Variants in LINGO2 observed in about 807,000 individuals in gnomAD.
LINGO2 encodes leucine rich repeat and Ig domain containing 2.
A neutral mutation model predicts 30.6 loss-of-function variants in LINGO2; 14 were observed. That is an observed-to-expected ratio of 0.46 (90% CI 0.30 to 0.72). LINGO2 has a LOEUF of 0.72. Among genes scored for constraint, LINGO2 ranks in the 30% least tolerant of loss-of-function variants. LINGO2 has a pLI of 0.07. For missense variants in LINGO2, 729 were observed against 751.7 expected (o/e 0.97, Z 0.35); for synonymous variants, 317 against 288.5 (o/e 1.10, Z -1.00).
At chr9:28,853,278 C>A in the LINGO2 span, among the ~76,000 whole-genome samples, 1 of 152,018 alleles carries the variant, frequency 6.6e-6, no homozygotes, top group South Asian at 2.1e-4. Flanking sequence ...TAGTCATGCA[C>A]ATATGCATAA....
At chr9:28,604,679 G>A (rs1935824481) in intron 1 of LINGO2, among the ~76,000 whole-genome samples, 2 of 151,868 alleles carry the variant, frequency 1.3e-5, no homozygotes, top group Non-Finnish European at 2.9e-5. Flanking sequence ...TCTGAAGTAA[G>A]TATCCATAGA....
At chr9:28,485,392 A>G (rs1826131617) in intron 1 of LINGO2, among the ~76,000 whole-genome samples, 1 of 152,114 alleles carries the variant, frequency 6.6e-6, no homozygotes, top group African/African-American at 2.4e-5. Context: ...AGTTATGTAG[A>G]TATACCTACA....
chr9:29,140,548 C>T, the LINGO2 span, among the ~76,000 whole-genome samples: 1 of 151,544 alleles, frequency 6.6e-6, no homozygotes, highest in African/African-American at 2.4e-5. Context: ...AATCATCAAC[C>T]ATACAAATGT....
At chr9:28,927,992 T>TA in the LINGO2 span, among the ~76,000 whole-genome samples, 1 of 152,226 alleles carries the variant, frequency 6.6e-6, no homozygotes, top group African/African-American at 2.4e-5. Context: ...AACTGTTTGT[T>TA]AAACACTACA....
intron 2 of LINGO2, among the ~76,000 whole-genome samples, chr9:28,451,138 A>G (rs188805101): frequency 6.6e-6 from 1 of 152,062 alleles, no homozygotes; most frequent in Admixed American, 6.6e-5. Context: ...AATAGGATCA[A>G]TTATTAGTTC....
At chr9:28,018,900 C>T (rs1016781669) in intron 4 of LINGO2, among the ~76,000 whole-genome samples, 2 of 152,160 alleles carry the variant, frequency 1.3e-5, no homozygotes, top group Admixed American at 6.6e-5. Context: ...TTCATTGCAG[C>T]ACTATTCACA....
At chr9:28,034,063 C>CCT (rs1298532590) in intron 4 of LINGO2, among the ~76,000 whole-genome samples, 1 of 152,196 alleles carries the variant, frequency 6.6e-6, no homozygotes, top group Non-Finnish European at 1.5e-5. Flanking sequence ...CTCGGGCCCT[C>CCT]CTCCCTGTCT....
At chr9:28,138,396 A>G (rs1052745303) in intron 4 of LINGO2, among the ~76,000 whole-genome samples, 3 of 152,216 alleles carry the variant, frequency 2.0e-5, no homozygotes, top group African/African-American at 7.2e-5. Context: ...AAATGCCTTC[A>G]TAAGACAACA....
the LINGO2 span, among the ~76,000 whole-genome samples, chr9:28,820,994 C>A: frequency 6.6e-6 from 1 of 152,220 alleles, no homozygotes; most frequent in Non-Finnish European, 1.5e-5. Context: ...GAAGGATTAA[C>A]AATGCACAGC....
chr9:27,945,517 A>G (rs1028570185), downstream of LINGO2, among the ~76,000 whole-genome samples: 1 of 152,158 alleles, frequency 6.6e-6, no homozygotes, highest in Non-Finnish European at 1.5e-5. Flanking sequence ...CCAGAGTGGA[A>G]TGAAAACCAA....
At chr9:28,519,444 C>T (rs1002413318) in intron 1 of LINGO2, among the ~76,000 whole-genome samples, 1 of 152,080 alleles carries the variant, frequency 6.6e-6, no homozygotes, top group Non-Finnish European at 1.5e-5. Context: ...GTTAAGACTT[C>T]CCTTTTTGGA....
At chr9:28,851,189 TTTA>T in the LINGO2 span, among the ~76,000 whole-genome samples, 3 of 152,198 alleles carry the variant, frequency 2.0e-5, no homozygotes, top group East Asian at 5.8e-4. Context: ...GTAACACAGA[TTTA>T]TTATCATTGG....
chr9:29,210,392 T>C, the LINGO2 span, among the ~76,000 whole-genome samples: 1 of 152,194 alleles, frequency 6.6e-6, no homozygotes, highest in African/African-American at 2.4e-5. Flanking sequence ...GAGCCCTAAA[T>C]ATGTATGTCT....
intron 3 of LINGO2, among the ~76,000 whole-genome samples, chr9:28,358,475 T>C (rs1405854773): frequency 6.6e-6 from 1 of 152,144 alleles, no homozygotes; most frequent in Admixed American, 6.6e-5. Context: ...GCTGAAGATA[T>C]GATGAACTGT....
the LINGO2 span, among the ~76,000 whole-genome samples, chr9:29,102,310 T>C: frequency 2.0e-5 from 3 of 152,152 alleles, no homozygotes; most frequent in African/African-American, 7.2e-5. Context: ...CTCGATCTCC[T>C]GATCTTGTGA....
the LINGO2 span, among the ~76,000 whole-genome samples, chr9:29,057,567 C>G: frequency 6.6e-6 from 1 of 152,040 alleles, no homozygotes; most frequent in Non-Finnish European, 1.5e-5. Context: ...GAGGATTTTA[C>G]TATGTGAGGA....
intron 2 of LINGO2, among the ~76,000 whole-genome samples, chr9:28,423,487 A>G (rs953822997): frequency 5.3e-5 from 8 of 152,152 alleles, no homozygotes. Context: ...GCCATGGTTA[A>G]AGAACTACAT....
At chr9:28,189,701 G>C (rs10968371) in intron 4 of LINGO2, among the ~76,000 whole-genome samples, 1 of 16,600 alleles carries the variant, frequency 6.0e-5, no homozygotes, top group Non-Finnish European at 1.5e-4. Context: ...GGAAGGGAGG[G>C]AGGAAGGAAG....
the LINGO2 span, among the ~76,000 whole-genome samples, chr9:28,988,653 T>C: frequency 6.6e-6 from 1 of 152,132 alleles, no homozygotes; most frequent in Non-Finnish European, 1.5e-5. Context: ...CCCCATGGGG[T>C]AAGACCAACA....
Sources: allele counts gnomAD v4.1 joint callset (sites outside exome capture counted in the v4.1 genomes callset), GRCh38; gene constraint gnomAD v4.1.1; transcripts MANE v1.5; gene names NCBI Gene and HGNC (gene_info 2026-07-23, HGNC 2026-07-21).